The following ME3 variants were observed in gnomAD, a reference collection of about 807,000 sequenced individuals.
ME3 encodes NADP-dependent malic enzyme, mitochondrial.
A neutral mutation model predicts 68.9 loss-of-function variants in ME3; 48 were observed. The observed-to-expected ratio is 0.70, with a 90% CI of 0.55 to 0.89. The LOEUF is 0.89. ME3 is among the 40% of genes least tolerant of loss of function. The pLI is 0.00. For synonymous variants in ME3, 320 were observed against 318.8 expected (o/e 1.00, Z -0.04); for missense variants, 675 against 797.4 (o/e 0.85, Z 1.85).
At chr11:86,650,841 C>T (rs1366818330) in intron 2 of ME3, among the ~76,000 whole-genome samples, 1 of 152,198 alleles carries the variant, frequency 6.6e-6, no homozygotes, top group Non-Finnish European at 1.5e-5. Context: ...ATTCCCTCTC[C>T]TAGCCAAGGA....
chr11:86,530,450 T>C (rs1955124739), intron 4 of ME3, among the ~76,000 whole-genome samples: 1 of 152,104 alleles, frequency 6.6e-6, no homozygotes, highest in African/African-American at 2.4e-5. Flanking sequence ...TTCAATGCCA[T>C]CCCCATCAAG....
intron 4 of ME3, among the ~76,000 whole-genome samples, chr11:86,555,642 G>C (rs570598776): frequency 6.6e-6 from 1 of 152,182 alleles, no homozygotes; most frequent in Non-Finnish European, 1.5e-5. Context: ...GACTGGCATT[G>C]GGAACACACT....
At chr11:86,624,987 A>G (rs1455381833) in intron 2 of ME3, among the ~76,000 whole-genome samples, 1 of 152,214 alleles carries the variant, frequency 6.6e-6, no homozygotes, top group Non-Finnish European at 1.5e-5. Flanking sequence ...TTGGCAAATG[A>G]CATGCTTAGG....
intron 6 of ME3, among the ~76,000 whole-genome samples, chr11:86,497,645 A>G (rs1952442660): frequency 6.6e-6 from 1 of 152,152 alleles, no homozygotes; most frequent in Admixed American, 6.5e-5. Context: ...CAAGGGAAAT[A>G]GAAACTGCCT....
chr11:86,554,965 C>A (rs1174631983), intron 4 of ME3, among the ~76,000 whole-genome samples: 8 of 151,982 alleles, frequency 5.3e-5, no homozygotes, highest in African/African-American at 1.9e-4. Flanking sequence ...TTGAGGAGGC[C>A]AAGAAAGGGG....
intron 13 of ME3, among the ~76,000 whole-genome samples, chr11:86,444,533 T>C (rs553858415): frequency 6.6e-6 from 1 of 152,156 alleles, no homozygotes; most frequent in African/African-American, 2.4e-5. Flanking sequence ...TGGCTAGATA[T>C]GCATCTAGAA....
In ME3 at chr11:86,632,235, G is replaced by A. The variant is rs374759301; in HGVS notation, c.183+39527C>T. ...CTGGGTGCAAGAGAGTGCAGCCTGA[G>A]CAGAGGGCCTCTGGGAGAGCAGCTT... On this transcript the variant is annotated intron_variant, in intron 2 of 14. Transcript: ENST00000543262. Among the ~76,000 whole-genome samples the A allele has an allele frequency of 2.0e-5, 3 of 152,320 alleles. No homozygotes were observed. In the East Asian group the frequency reaches 5.8e-4, roughly 29 times the overall value.
chr11:86,538,215 T>C (rs1955816747), intron 4 of ME3, among the ~76,000 whole-genome samples: 1 of 152,116 alleles, frequency 6.6e-6, no homozygotes, highest in Non-Finnish European at 1.5e-5. Flanking sequence ...TTTAACAATA[T>C]AGGATTGAGG....
At chr11:86,548,818 C>A (rs1430748209) in intron 4 of ME3, among the ~76,000 whole-genome samples, 1 of 152,112 alleles carries the variant, frequency 6.6e-6, no homozygotes, top group East Asian at 1.9e-4. Flanking sequence ...TGACAGGAAC[C>A]CATATTTCAT....
rs546853187 is a variant in ME3 at position 86,563,540 on chromosome 11, G to A, written c.184-3717C>T. 1.2e-3 allele frequency among the ~76,000 whole-genome samples: 176 copies of A among 152,196 alleles called. 1 individual carries two copies. Among genetic ancestry groups the A allele is most frequent in the Middle Eastern group, 3.4e-3 (1 of 294 alleles). ...TCTTCGCCAAAGTTGATGTTGAAAA[G>A]AGTATTTCTTATGTTGTCTTTGAGG... On this transcript the variant is annotated intron_variant, in intron 2 of 14. Coordinates refer to ENST00000543262, the Ensembl canonical transcript of ME3.
intron 5 of ME3, among the ~76,000 whole-genome samples, chr11:86,507,087 G>T (rs1215732213): frequency 2.0e-5 from 3 of 152,230 alleles, no homozygotes; most frequent in Non-Finnish European, 4.4e-5. Flanking sequence ...CCAAGGTTCT[G>T]TCCCCAACCT....
intron 2 of ME3, among the ~76,000 whole-genome samples, chr11:86,636,020 G>A (rs1014031240): frequency 3.9e-5 from 6 of 152,176 alleles, no homozygotes; most frequent in Non-Finnish European, 5.9e-5. Context: ...TTGGGCTAAA[G>A]CTCACACATT....
chr11:86,561,784 C>T (rs1301490653), intron 2 of ME3, among the ~76,000 whole-genome samples: 1 of 152,148 alleles, frequency 6.6e-6, no homozygotes, highest in Non-Finnish European at 1.5e-5. Flanking sequence ...CTAATAAACT[C>T]CACTCATTTC....
chr11:86,512,375 T>G (rs1259934327), intron 4 of ME3, among the ~76,000 whole-genome samples: 2 of 152,228 alleles, frequency 1.3e-5, no homozygotes, highest in South Asian at 2.1e-4. Flanking sequence ...CCCATCGCCC[T>G]CATTAGACTG....
rs372229031 is a variant in ME3 at position 86,465,144 on chromosome 11, C to T, written c.866G>A (p.Arg289His). Residue 289 changes from arginine (R) to histidine (H), a missense_variant, in exon 8 of 15, where the codon CGC (arginine) becomes CAC (histidine). Coordinates refer to ENST00000543262, the Ensembl canonical transcript of ME3. ...CTTGTTACGGTATTTGTTGAGCAGG[C>T]GGAAGGCATTGGCATTGGCGAAGTC... 2.2e-5 allele frequency: 35 copies of T among 1,613,698 alleles called. No individual in the cohort carries two copies. Among genetic ancestry groups the T allele is most frequent in the African/African-American group, 1.6e-4 (12 of 74,902 alleles).
chr11:86,591,016 G>A (rs370239458), intron 2 of ME3, among the ~76,000 whole-genome samples: 2 of 152,186 alleles, frequency 1.3e-5, no homozygotes, highest in Non-Finnish European at 2.9e-5. Context: ...TGTGTTGGGC[G>A]ATGGGGGGAA....
chr11:86,590,894 A>G (rs187399008), intron 2 of ME3, among the ~76,000 whole-genome samples: 2 of 152,352 alleles, frequency 1.3e-5, no homozygotes, highest in African/African-American at 2.4e-5. Flanking sequence ...GGCTGCTGCC[A>G]TAGTTCACGT....
rs538115774 is a variant in ME3 at position 86,633,235 on chromosome 11, C to T, written c.183+38527G>A. Reference sequence around the variant, plus strand: ...AGAGATGTGACCAAGGACATAAGCACAGTGACAGACTGACATTTAGTCACT... The same window carrying T: ...AGAGATGTGACCAAGGACATAAGCATAGTGACAGACTGACATTTAGTCACT... On this transcript the variant is annotated intron_variant, in intron 2 of 14. Coordinates refer to ENST00000543262, the Ensembl canonical transcript of ME3. Among the ~76,000 whole-genome samples, 105 of 152,342 alleles carry T rather than the reference C, an allele frequency of 6.9e-4. 1 individual carries two copies. Among genetic ancestry groups the T allele is most frequent in the African/African-American group, 2.5e-3 (102 of 41,572 alleles).
chr11:86,457,628 T>G, intron 8 of ME3: 1 of 1,275,524 alleles, frequency 7.8e-7, no homozygotes, highest in Non-Finnish European at 1.0e-6. Context: ...CACTAGGGGT[T>G]TAAAACTGGA....
Sources: allele counts gnomAD v4.1 joint callset (sites outside exome capture counted in the v4.1 genomes callset), GRCh38; gene constraint gnomAD v4.1.1; transcripts MANE v1.5; gene names NCBI Gene and HGNC (gene_info 2026-07-23, HGNC 2026-07-21).